SUZ12: variants seen among roughly 807,000 people sequenced by gnomAD.
SUZ12 encodes SUZ12 polycomb repressive complex 2 subunit, also known as polycomb protein SUZ12.
In SUZ12, 17 loss-of-function variants were observed where a neutral mutation model predicts 87.3. The observed-to-expected ratio is 0.19, with a 90% confidence interval of 0.13 to 0.29. SUZ12 has a LOEUF of 0.29. Ranked by LOEUF, SUZ12 falls within the 10% of genes least tolerant of loss-of-function variation. The probability of loss-of-function intolerance (pLI) is 1.00; values close to 1 mark genes in which losing one functional copy is unlikely to be tolerated. For synonymous variants in SUZ12, 253 were observed against 312.4 expected (o/e 0.81, Z 2.01); for missense variants, 526 against 912.2 (o/e 0.58, Z 5.45).
chr17:31,956,443 C>G (rs1450535096), intron 4 of SUZ12, among the ~76,000 whole-genome samples: 3 of 152,186 alleles, frequency 2.0e-5, no homozygotes. Context: ...CCCACCTCAA[C>G]CTCCCAAACT....
At chr17:31,994,037 T>G in intron 12 of SUZ12, 29 bp downstream of exon 12, 1 of 1,603,816 alleles carries the variant, frequency 6.2e-7, no homozygotes, top group Non-Finnish European at 8.5e-7. Flanking sequence ...TTTCTCAATT[T>G]GTGTTAAGAA....
intron 8 of SUZ12, among the ~76,000 whole-genome samples, chr17:31,977,813 T>C (rs1908850549): frequency 6.6e-6 from 1 of 151,870 alleles, no homozygotes; most frequent in African/African-American, 2.4e-5. Context: ...CGCTTGAACC[T>C]GGGAGGCAGA....
chr17:31,973,640 G>T (rs1278077681), intron 6 of SUZ12, among the ~76,000 whole-genome samples: 1 of 152,068 alleles, frequency 6.6e-6, no homozygotes, highest in Non-Finnish European at 1.5e-5. Context: ...AAATTTTGTT[G>T]TCAGCGTTAT....
intron 4 of SUZ12, among the ~76,000 whole-genome samples, chr17:31,949,653 A>C (rs1297155090): frequency 8.6e-4 from 20 of 23,124 alleles, no homozygotes; most frequent in South Asian, 2.7e-3. Flanking sequence ...ACCTGCCACC[A>C]CACCCAGCCC....
At chr17:31,963,570 C>T (rs1307227298) in intron 4 of SUZ12, among the ~76,000 whole-genome samples, 7 of 151,722 alleles carry the variant, frequency 4.6e-5, no homozygotes, top group African/African-American at 7.3e-5. Context: ...CGATCTTGGT[C>T]ACTGCCACCT....
chr17:31,944,393 G>A (rs1906491184), intron 3 of SUZ12, among the ~76,000 whole-genome samples: 1 of 152,210 alleles, frequency 6.6e-6, no homozygotes, highest in Admixed American at 6.5e-5. Context: ...CTCCCAAAGT[G>A]CTGGGATTAC....
At position 31,980,011 on chromosome 17, in the gene SUZ12, T is replaced by TAGAG. The variant is rs55882925; in HGVS notation, c.918-2964_918-2961dup. Among the ~76,000 whole-genome samples, 750 of 146,034 alleles carry TAGAG rather than the reference T, an allele frequency of 5.1e-3. 6 individuals are homozygous for TAGAG. Among genetic ancestry groups the TAGAG allele is most frequent in the African/African-American group, 9.5e-3 (377 of 39,658 alleles). ...ACCCTAAAAAATATATATATATGTA[T>TAGAG]AGAGAGAGAGAGAGAGAGAGAGAGA... is the stretch of plus-strand genomic sequence containing the variant. On this transcript the variant is annotated intron_variant, in intron 8 of 15. Coordinates refer to ENST00000322652, the MANE Select transcript of SUZ12 (RefSeq NM_015355.4).
intron 14 of SUZ12, among the ~76,000 whole-genome samples, chr17:31,996,544 G>A (rs924777794): frequency 1.3e-5 from 2 of 152,138 alleles, no homozygotes; most frequent in African/African-American, 2.4e-5. Flanking sequence ...GCTTGAACCC[G>A]GGAGGTCAAG....
intron 10 of SUZ12, among the ~76,000 whole-genome samples, chr17:31,990,140 T>A (rs1909644867): frequency 7.3e-6 from 1 of 137,294 alleles, no homozygotes; most frequent in African/African-American, 2.8e-5. Flanking sequence ...TTTTTTTTTT[T>A]TTTTTTGGAT....
intron 5 of SUZ12, among the ~76,000 whole-genome samples, chr17:31,969,906 A>AT (rs893362379): frequency 5.9e-5 from 9 of 152,026 alleles, no homozygotes; most frequent in African/African-American, 1.9e-4. Flanking sequence ...TTAAAATGTG[A>AT]TTTTTTCTTC....
intron 5 of SUZ12, chr17:31,967,721 G>C (rs944582689): frequency 3.9e-5 from 6 of 152,176 alleles, no homozygotes; most frequent in African/African-American, 1.4e-4. Context: ...ACAAAAATTA[G>C]CCAGGTATGG....
chr17:31,966,451 G>A (rs745752834), intron 5 of SUZ12: 11 of 357,324 alleles, frequency 3.1e-5, no homozygotes, highest in Admixed American at 9.2e-5. Context: ...GGGTTCAAGC[G>A]ATTCTCCTGC....
intron 9 of SUZ12, among the ~76,000 whole-genome samples, chr17:31,983,378 C>T (rs1424078854): frequency 2.0e-5 from 3 of 149,814 alleles, no homozygotes; most frequent in Admixed American, 6.7e-5. Context: ...CGGGTTCAAG[C>T]GATTCTCCTG....
intron 11 of SUZ12, among the ~76,000 whole-genome samples, 197 bp downstream of exon 11, chr17:31,993,530 C>T (rs1475889051): frequency 6.6e-6 from 1 of 152,090 alleles, no homozygotes; most frequent in African/African-American, 2.4e-5. Context: ...CAACCTGATT[C>T]TCACGCCTCA....
At chr17:31,978,447 C>T (rs1312407567) in intron 8 of SUZ12, among the ~76,000 whole-genome samples, 5 of 152,088 alleles carry the variant, frequency 3.3e-5, no homozygotes, top group Non-Finnish European at 7.4e-5. Context: ...GACCTCACAT[C>T]ATCCACCTGC....
rs1910214142 is a variant in SUZ12 at position 32,000,694 on chromosome 17, A to G, written c.*1691A>G. 1 of 231,774 alleles carries G rather than the reference A, an allele frequency of 4.3e-6. No individual in the cohort carries two copies. Among genetic ancestry groups the G allele is most frequent in the African/African-American group, 2.2e-5 (1 of 45,170 alleles). The allele number at this position is 231,774 out of a possible 1,614,324, so 14.4% of individuals were successfully genotyped here. On this transcript the variant is annotated 3_prime_UTR_variant, in exon 16 of 16. Coordinates refer to ENST00000322652, the MANE Select transcript of SUZ12 (RefSeq NM_015355.4). ...TAGGTGTAGAATTATTGCTTATGTC[A>G]TTTCTTAAGCAGTTATGCTCTTAAT...
At chr17:31,960,423 C>G (rs549293695) in intron 4 of SUZ12, among the ~76,000 whole-genome samples, 83 of 152,134 alleles carry the variant, frequency 5.5e-4, no homozygotes, top group Non-Finnish European at 8.7e-4. Flanking sequence ...GTTGGTCAGG[C>G]TGGTCTCGAA....
chr17:31,962,641 C>T (rs137905202), intron 4 of SUZ12, among the ~76,000 whole-genome samples: 2,000 of 152,264 alleles, frequency 0.013, 17 homozygotes, highest in Non-Finnish European at 0.02. Flanking sequence ...GAGAAAATAT[C>T]CTCATTTTAT....
chr17:31,962,421 A>C (rs1907783769), intron 4 of SUZ12, among the ~76,000 whole-genome samples: 1 of 152,046 alleles, frequency 6.6e-6, no homozygotes, highest in African/African-American at 2.4e-5. Context: ...CAAAATCCTG[A>C]CTCCACAAAC....
Sources: gnomAD v4.1 joint callset for allele counts (sites outside exome capture counted in the v4.1 genomes callset) on GRCh38, gnomAD v4.1.1 for gene constraint, MANE v1.5 for transcripts, NCBI Gene and HGNC (gene_info 2026-07-23, HGNC 2026-07-21) for gene names.